The following RNF223 variants were observed in gnomAD, a reference collection of about 807,000 sequenced individuals.
RNF223 encodes the protein ring finger protein 223.
In RNF223, 10 loss-of-function variants were observed where a neutral mutation model predicts 13.9. The observed-to-expected ratio is 0.72, with a 90% CI of 0.44 to 1.22. The LOEUF (loss-of-function observed/expected upper bound fraction) is 1.22. RNF223 is among the 50% of genes most tolerant of loss of function. RNF223 has a pLI of 0.00. For missense variants in RNF223, 379 were observed against 380.0 expected (o/e 1.00, Z 0.02); for synonymous variants, 168 against 173.3 (o/e 0.97, Z 0.24).
chr1:1,072,309 C>T lies in RNF223; in HGVS notation c.258G>A (p.Gln86=). Residue 86 remains glutamine (Q), a synonymous_variant, in exon 2 of 2, where the codon CAG becomes CAA. Transcript: ENST00000453464. ...LECLARLAAA[Q]PVGRPGGEAV... is the part of the protein sequence containing the mutation. The stretch of plus-strand genomic sequence containing the variant: ...CCTCACCACCGGGGCGGCCCACAGG[C>T]TGAGCAGCCGCCAGCCGGGCCAGGC... 1 of 1,446,454 alleles carries T rather than the reference C, an allele frequency of 6.9e-7. No homozygotes were observed. The highest frequency in any genetic ancestry group is 9.0e-7 in the Non-Finnish European group (1 of 1,106,660). The allele number at this position is 1,446,454 out of a possible 1,614,324, so 89.6% of individuals were successfully genotyped here.
At position 1,071,779 on chromosome 1, in the gene RNF223, TG is replaced by T. The variant is rs1437974206; in HGVS notation, c.*37del. The T allele has an allele frequency of 1.4e-6, 2 of 1,409,190 alleles. No individual in the cohort carries two copies. The highest frequency in any genetic ancestry group is 1.8e-6 in the Non-Finnish European group (2 of 1,082,454). The allele number at this position is 1,409,190 out of a possible 1,614,324, so 87.3% of individuals were successfully genotyped here. On this transcript the variant is annotated 3_prime_UTR_variant, in exon 2 of 2. Coordinates refer to ENST00000453464, the MANE Select transcript of RNF223 (RefSeq NM_001205252.2). ...CCCAGTGGGGGACGCCCCATGGAGC[TG>T]GGCGAGGGCGGCTGACCTGGGCAGA...
chr1:1,073,844 G>A (rs1645661990), intron 1 of RNF223, among the ~76,000 whole-genome samples, 172 bp downstream of exon 1: 1 of 152,142 alleles, frequency 6.6e-6, no homozygotes, highest in Non-Finnish European at 1.5e-5. Flanking sequence ...TGAGTCACAC[G>A]CCGTCACTGT....
chr1:1,072,854 TC>T (rs1420967742), intron 1 of RNF223, among the ~76,000 whole-genome samples: 1 of 152,168 alleles, frequency 6.6e-6, no homozygotes, highest in Non-Finnish European at 1.5e-5. Flanking sequence ...CACTGACCGC[TC>T]GGCAGACACC....
At position 1,072,003 on chromosome 1, in the gene RNF223, C is replaced by G; in HGVS notation, c.564G>C (p.Trp188Cys). 6.6e-6 allele frequency: 10 copies of G among 1,506,350 alleles called. No individual in the cohort carries two copies. Among genetic ancestry groups the G allele is most frequent in the Non-Finnish European group, 8.8e-6 (10 of 1,134,990 alleles). 93.3% of individuals were successfully genotyped at this position (1,506,350 alleles called of 1,614,324 possible). A position where few individuals can be genotyped will look rare whatever the true frequency, so the allele number is the denominator to read the frequency against. Reference sequence around the variant, plus strand: ...TGCGCCTCCAGTCCCTGCAGCGCGCCCAGCAGCGGGCCAGGCGGCCCCGGC... The same window carrying G: ...TGCGCCTCCAGTCCCTGCAGCGCGCGCAGCAGCGGGCCAGGCGGCCCCGGC... ...APRRGRLARC[W>C]ARCRDWRRMA... The change falls in exon 2 of 2, where the codon TGG (tryptophan) becomes TGC (cysteine). Residue 188 changes from tryptophan to cysteine, a missense_variant. Trp to Cys is a radical substitution (Grantham distance 215). Coordinates refer to ENST00000453464, the MANE Select transcript of RNF223 (RefSeq NM_001205252.2).
In RNF223 at chr1:1,072,680, G is replaced by A. The variant is rs973977088; in HGVS notation, c.-9-105C>T. On this transcript the variant is annotated intron_variant, in intron 1 of 1. Coordinates refer to ENST00000453464, the MANE Select transcript of RNF223 (RefSeq NM_001205252.2). ...CCCAGAGATCCCAGGGAAGGACTCT[G>A]TTTCCTGCGCGCCACTCCAGAAAGT... is the stretch of plus-strand genomic sequence containing the variant. 7.1e-6 allele frequency: 7 copies of A among 981,060 alleles called. No individual in the cohort carries two copies. In the African/African-American group the frequency reaches 1.0e-4, roughly 14 times the overall value. The allele number at this position is 981,060 out of a possible 1,614,324, so 60.8% of individuals were successfully genotyped here.
Position 1,072,488 on chromosome 1 carries a change from A to T in RNF223, c.79T>A (p.Ser27Thr), listed in dbSNP as rs1445692369. ...RSSSIASMPR[S>T]PSSAGSPRSP... Reference sequence around the variant, plus strand: ...CTGGGGCTGCCGGCCGAGCTGGGGGACCTGGGCATCGAGGCTATGGAGCTG... The same window carrying T: ...CTGGGGCTGCCGGCCGAGCTGGGGGTCCTGGGCATCGAGGCTATGGAGCTG... The change falls in exon 2 of 2, where the codon TCC becomes ACC. Residue 27 changes from serine to threonine, a missense_variant. Transcript: ENST00000453464. 2.0e-6 allele frequency: 3 copies of T among 1,531,418 alleles called. No homozygotes were observed. In the Admixed American group the frequency reaches 6.0e-5, roughly 30 times the overall value. The allele number at this position is 1,531,418 out of a possible 1,614,324, so 94.9% of individuals were successfully genotyped here. A position where few individuals can be genotyped will look rare whatever the true frequency, so the allele number is the denominator to read the frequency against.
Position 1,071,843 on chromosome 1 carries a change from G to T in RNF223, c.724C>A (p.Pro242Thr). The T allele has an allele frequency of 6.6e-7, 1 of 1,522,962 alleles. No homozygotes were observed. The highest frequency in any genetic ancestry group is 2.5e-5 in the East Asian group (1 of 40,472). 94.3% of individuals were successfully genotyped at this position (1,522,962 alleles called of 1,614,324 possible). ...RPPATSTAAS[P>T]LGPLTDN The stretch of plus-strand genomic sequence containing the variant: ...TAATTATCAGTCAGAGGCCCGAGGG[G>T]GGAGGCGGCTGTGCTGGTGGCCGGG... Residue 242 changes from proline to threonine, a missense_variant, in exon 2 of 2, where the codon CCC becomes ACC. Transcript: ENST00000453464.
chr1:1,071,767 G>T lies in RNF223; in HGVS notation c.*50C>A. The T allele has an allele frequency of 7.2e-7, 1 of 1,388,486 alleles. No individual in the cohort carries two copies. The highest frequency in any genetic ancestry group is 1.6e-5 in the South Asian group (1 of 63,786). 86.0% of individuals were successfully genotyped at this position (1,388,486 alleles called of 1,614,324 possible). ...GCCCTTGGGCCCCCCAGTGGGGGAC[G>T]CCCCATGGAGCTGGGCGAGGGCGGC... On this transcript the variant is annotated 3_prime_UTR_variant, in exon 2 of 2. Coordinates refer to ENST00000453464, the MANE Select transcript of RNF223 (RefSeq NM_001205252.2).
In RNF223 at chr1:1,071,298, G is replaced by T. The variant is rs1359573961; in HGVS notation, c.*519C>A. 6.5e-6 allele frequency: 1 copy of T among 152,710 alleles called. No homozygotes were observed. 9.5% of individuals were successfully genotyped at this position (152,710 alleles called of 1,614,324 possible). On this transcript the variant is annotated 3_prime_UTR_variant, in exon 2 of 2. Transcript: ENST00000453464. ...TTTTTTTGTTTTGTTTTGAGACAGG[G>T]TCTCCCTCTGTCGCCCAGGCTGGAT...
intron 1 of RNF223, among the ~76,000 whole-genome samples, chr1:1,073,555 C>A (rs971128688): frequency 6.6e-6 from 1 of 152,316 alleles, no homozygotes; most frequent in East Asian, 1.9e-4. Context: ...TGCTGCTCTG[C>A]CCCTGGGCAT....
At chr1:1,073,177 G>C (rs986811346) in intron 1 of RNF223, among the ~76,000 whole-genome samples, 5 of 152,226 alleles carry the variant, frequency 3.3e-5, no homozygotes, top group Non-Finnish European at 5.9e-5. Flanking sequence ...GGGCGGTGCA[G>C]GCCTGATTTG....
rs1645651314 is a variant in RNF223, at chr1:1,072,647, T to G, written c.-9-72A>C. The G allele has an allele frequency of 2.4e-6, 3 of 1,234,224 alleles. No individual in the cohort carries two copies. In the South Asian group the frequency reaches 4.8e-5, roughly 20 times the overall value. 76.5% of individuals were successfully genotyped at this position (1,234,224 alleles called of 1,614,324 possible). A position where few individuals can be genotyped will look rare whatever the true frequency, so the allele number is the denominator to read the frequency against. On this transcript the variant is annotated intron_variant, in intron 1 of 1. Transcript: ENST00000453464. ...GGTGGTGTTTTATCTCTCCCTCCCC[T>G]CTCTCGCCCCAGAGATCCCAGGGAA...
rs1390005471 is a variant in RNF223, at chr1:1,072,020, G to A, written c.547C>T (p.Arg183Cys). 67 of 1,494,050 alleles carry A rather than the reference G, an allele frequency of 4.5e-5. No individual in the cohort carries two copies. Among genetic ancestry groups the A allele is most frequent in the Admixed American group, 1.6e-4 (7 of 44,786 alleles). 92.5% of individuals were successfully genotyped at this position (1,494,050 alleles called of 1,614,324 possible). ...CAGCGCGCCCAGCAGCGGGCCAGGC[G>A]GCCCCGGCGGGGGGCAGGGTCCCGG... ...PARDPAPRRG[R>C]LARCWARCRD... Residue 183 changes from arginine to cysteine, a missense_variant, in exon 2 of 2, where the codon CGC becomes TGC. By Grantham distance (180) the Arg-to-Cys change is radical. Transcript: ENST00000453464.
In RNF223 at chr1:1,071,997, G is replaced by T. The variant is rs762135070; in HGVS notation, c.570C>A (p.Arg190=). The stretch of plus-strand genomic sequence containing the variant: ...GTGCCATGCGCCTCCAGTCCCTGCA[G>T]CGCGCCCAGCAGCGGGCCAGGCGGC... ...RRGRLARCWA[R]CRDWRRMALV... is the part of the protein sequence containing the mutation. Residue 190 remains arginine (R), a synonymous_variant, in exon 2 of 2, where the codon CGC becomes CGA. Coordinates refer to ENST00000453464, the MANE Select transcript of RNF223 (RefSeq NM_001205252.2). 370 of 1,510,454 alleles carry T rather than the reference G, an allele frequency of 2.4e-4. 4 individuals are homozygous for T. In the South Asian group the frequency reaches 4.5e-3, roughly 18 times the overall value. The allele number at this position is 1,510,454 out of a possible 1,614,324, so 93.6% of individuals were successfully genotyped here.
Position 1,072,450 on chromosome 1 carries a change from G to A in RNF223, c.117C>T (p.Thr39=). Residue 39 remains threonine (T), a synonymous_variant, in exon 2 of 2, where the codon ACC becomes ACT. Coordinates refer to ENST00000453464, the MANE Select transcript of RNF223 (RefSeq NM_001205252.2). ...SSAGSPRSPG[T]PGSERVASPL... is the part of the protein sequence containing the mutation. ...GGGAGGCCACCCTCTCCGAGCCAGG[G>A]GTGCCAGGGGACCTGGGGCTGCCGG... 6.6e-7 allele frequency: 1 copy of A among 1,518,462 alleles called. No individual in the cohort carries two copies. Among genetic ancestry groups the A allele is most frequent in the Non-Finnish European group, 8.8e-7 (1 of 1,139,710 alleles). The allele number at this position is 1,518,462 out of a possible 1,614,324, so 94.1% of individuals were successfully genotyped here.
chr1:1,073,681 G>A (rs1048492935), intron 1 of RNF223, among the ~76,000 whole-genome samples: 2 of 152,160 alleles, frequency 1.3e-5, no homozygotes, highest in African/African-American at 4.8e-5. Flanking sequence ...AAGTGGGCAA[G>A]GGTGACAGTG....
At chr1:1,072,753 C>T (rs1645652151) in intron 1 of RNF223, among the ~76,000 whole-genome samples, 178 bp from the exon 2 acceptor site, 1 of 152,206 alleles carries the variant, frequency 6.6e-6, no homozygotes, top group East Asian at 1.9e-4. Flanking sequence ...CAATCCTGTC[C>T]TCTCCACCCC....
rs1347591501 is a variant in RNF223 at position 1,072,354 on chromosome 1, G to C, written c.213C>G (p.Thr71=). The change falls in exon 2 of 2, where the codon ACC becomes ACG. Residue 71 remains threonine (T), a synonymous_variant. Coordinates refer to ENST00000453464, the MANE Select transcript of RNF223 (RefSeq NM_001205252.2). ...CCAGGCACTCCAGGCAGAAGACGTG[G>C]GTGCAGGAGAGCTCCTTGGGTGTCT... is the stretch of plus-strand genomic sequence containing the variant. ...IFKTPKELSC[T]HVFCLECLAR... 1 of 1,451,872 alleles carries C rather than the reference G, an allele frequency of 6.9e-7. No individual in the cohort carries two copies. The highest frequency in any genetic ancestry group is 1.4e-5 in the African/African-American group (1 of 69,484). 89.9% of individuals were successfully genotyped at this position (1,451,872 alleles called of 1,614,324 possible).
chr1:1,071,783 CGAGGGCGGCTGACCTGGGCA>C lies in RNF223; in HGVS notation c.*14_*33del. On this transcript the variant is annotated 3_prime_UTR_variant, in exon 2 of 2. Coordinates refer to ENST00000453464, the MANE Select transcript of RNF223 (RefSeq NM_001205252.2). Reference sequence around the variant, plus strand: ...GTGGGGGACGCCCCATGGAGCTGGGCGAGGGCGGCTGACCTGGGCAGAGGCTGCTGGCCCTAATTATCAGT... The same window carrying C: ...GTGGGGGACGCCCCATGGAGCTGGGCGAGGCTGCTGGCCCTAATTATCAGT... 1 of 1,432,430 alleles carries C rather than the reference CGAGGGCGGCTGACCTGGGCA, an allele frequency of 7.0e-7. No homozygotes were observed. Among genetic ancestry groups the C allele is most frequent in the Admixed American group, 2.5e-5 (1 of 39,916 alleles). The allele number at this position is 1,432,430 out of a possible 1,614,324, so 88.7% of individuals were successfully genotyped here.
Sources: gnomAD v4.1 joint callset for allele counts (sites outside exome capture counted in the v4.1 genomes callset) on GRCh38, gnomAD v4.1.1 for gene constraint, MANE v1.5 for transcripts, NCBI Gene and HGNC (gene_info 2026-07-23, HGNC 2026-07-21) for gene names.